POP1: variants seen among roughly 807,000 people sequenced by gnomAD.
The protein encoded by POP1 is ribonucleases P/MRP protein subunit POP1.
A neutral mutation model predicts 102.2 loss-of-function variants in POP1; 75 were observed. The observed-to-expected ratio is 0.73, with a 90% CI of 0.61 to 0.89. The LOEUF is 0.89. Among genes scored for constraint, POP1 ranks in the 40% least tolerant of loss-of-function variants. POP1 has a pLI of 0.00. For synonymous variants in POP1, 436 were observed against 464.1 expected (o/e 0.94, Z 0.78); for missense variants, 1,116 against 1,267.4 (o/e 0.88, Z 1.81).
Position 98,150,529 on chromosome 8 carries a change from G to T in POP1, c.1947G>T (p.Val649=). Residue 649 remains valine (V), a synonymous_variant, in exon 14 of 16, where the codon GTG becomes GTT. Coordinates refer to ENST00000401707, the MANE Select transcript of POP1 (RefSeq NM_001145860.2). ...TCGGAGGGTTGAAAGAGTCTGCAGT[G>T]CATTCTCAGTATAAGAGGTCGCCTA... The part of the protein sequence containing the change: ...VRVGGLKESA[V]HSQYKRSPNV... 1 of 1,614,036 alleles carries T rather than the reference G, an allele frequency of 6.2e-7. No homozygotes were observed. Among genetic ancestry groups the T allele is most frequent in the Non-Finnish European group, 8.5e-7 (1 of 1,179,976 alleles).
At chr8:98,148,318 A>G (rs1242682359) in intron 12 of POP1, among the ~76,000 whole-genome samples, 1 of 152,206 alleles carries the variant, frequency 6.6e-6, no homozygotes, top group African/African-American at 2.4e-5. Context: ...CAGCTCCAAG[A>G]AAAGTCTGAA....
chr8:98,156,339 C>T lies in POP1; in HGVS notation c.2347C>T (p.Pro783Ser). Residue 783 changes from proline (P) to serine (S), a missense_variant, in exon 15 of 16, where the codon CCT (proline) becomes TCT (serine). Coordinates refer to ENST00000401707, the MANE Select transcript of POP1 (RefSeq NM_001145860.2). Reference sequence around the variant, plus strand: ...TGCAGGGTGTCAAGAATCGGCAGGGCCTGAGAGGATCACAGACCAGGAGGC... The same window carrying T: ...TGCAGGGTGTCAAGAATCGGCAGGGTCTGAGAGGATCACAGACCAGGAGGC... Reference protein sequence around the residue: ...MDAGCQESAGPERITDQEASE... With the variant: ...MDAGCQESAGSERITDQEASE... 3 of 1,614,020 alleles carry T rather than the reference C, an allele frequency of 1.9e-6. No individual in the cohort carries two copies. Among genetic ancestry groups the T allele is most frequent in the Non-Finnish European group, 2.5e-6 (3 of 1,180,008 alleles).
At chr8:98,142,003 C>G (rs954685349) in intron 11 of POP1, among the ~76,000 whole-genome samples, 1 of 152,042 alleles carries the variant, frequency 6.6e-6, no homozygotes, top group Non-Finnish European at 1.5e-5. Flanking sequence ...ATTATGAAGC[C>G]TAAGACTTTA....
chr8:98,134,365 A>C (rs1816469221), intron 6 of POP1, 107 bp from the exon 7 acceptor site: 1 of 1,182,562 alleles, frequency 8.5e-7, no homozygotes, highest in East Asian at 2.3e-5. Context: ...CACAACCAAA[A>C]CTTCACCTCT....
chr8:98,120,167 TG>T (rs1414759775), intron 1 of POP1, among the ~76,000 whole-genome samples: 1 of 152,234 alleles, frequency 6.6e-6, no homozygotes, highest in Non-Finnish European at 1.5e-5. Context: ...ATATTTGGAA[TG>T]GCTTTTAATG....
At chr8:98,148,251 T>C (rs959919359) in intron 12 of POP1, among the ~76,000 whole-genome samples, 1 of 152,200 alleles carries the variant, frequency 6.6e-6, no homozygotes, top group African/African-American at 2.4e-5. Context: ...AGGCAGTCTC[T>C]TGCATAGTTT....
chr8:98,136,590 G>T lies in POP1; in HGVS notation c.1120G>T (p.Glu374Ter), dbSNP rs774528951. ...ACCATCCCAAGAAAAAAGCCAAACT[G>T]AATTGCCTGACGAGAAAATTGGCAA... ...PTPSQEKSQT[E>*]LPDEKIGKKR... The change falls in exon 8 of 16, where the codon GAA (glutamate) becomes TAA (stop). Residue 374 changes from glutamate to a stop codon, truncating the protein, a stop_gained. Coordinates refer to ENST00000401707, the MANE Select transcript of POP1 (RefSeq NM_001145860.2). LOFTEE classifies it high-confidence loss of function. 1 of 1,614,060 alleles carries T rather than the reference G, an allele frequency of 6.2e-7. No individual in the cohort carries two copies. The highest frequency in any genetic ancestry group is 2.2e-5 in the East Asian group (1 of 44,878).
intron 14 of POP1, 138 bp downstream of exon 14, chr8:98,150,777 T>A: frequency 1.2e-6 from 1 of 857,704 alleles, no homozygotes; most frequent in Non-Finnish European, 1.8e-6. Flanking sequence ...GAGAAATAAT[T>A]AAGAAGATAT....
At chr8:98,138,894 C>T (rs1203752774) in intron 9 of POP1, among the ~76,000 whole-genome samples, 1 of 149,802 alleles carries the variant, frequency 6.7e-6, no homozygotes, top group African/African-American at 2.5e-5. Flanking sequence ...ACTCTGTCAC[C>T]CAGGCTGGAG....
At position 98,125,701 on chromosome 8, in the gene POP1, C is replaced by G. The variant is rs545850884; in HGVS notation, c.143-1894C>G. Among the ~76,000 whole-genome samples the G allele has an allele frequency of 2.8e-3, 421 of 152,156 alleles. 1 individual carries two copies. The highest frequency in any genetic ancestry group is 9.3e-3 in the African/African-American group (387 of 41,518). Reference sequence around the variant, plus strand: ...GACTACAGTCACATGCTGCCACACCCAGCTAATTTTTTGTATTTAGTAGAG... The same window carrying G: ...GACTACAGTCACATGCTGCCACACCGAGCTAATTTTTTGTATTTAGTAGAG... On this transcript the variant is annotated intron_variant, in intron 2 of 15. Coordinates refer to ENST00000401707, the MANE Select transcript of POP1 (RefSeq NM_001145860.2).
Position 98,157,702 on chromosome 8 carries a change from G to A in POP1, c.2506G>A (p.Gly836Ser), listed in dbSNP as rs748609611. The A allele has an allele frequency of 3.6e-5, 58 of 1,614,114 alleles. No individual in the cohort carries two copies. Among genetic ancestry groups the A allele is most frequent in the Non-Finnish European group, 4.8e-5 (57 of 1,180,054 alleles). Residue 836 changes from glycine (G) to serine (S), a missense_variant, in exon 16 of 16, where the codon GGC becomes AGC. Gly to Ser is a moderately conservative substitution (Grantham distance 56, BLOSUM62 0). Transcript: ENST00000401707. ...GGGAGGCCGGCGAGCTCCCGGCAGAGGCCAGCAAGGATTGACCAGAGAGGC... is the reference window on the plus strand; with the variant it reads ...GGGAGGCCGGCGAGCTCCCGGCAGAAGCCAGCAAGGATTGACCAGAGAGGC... ...SRGGRRAPGR[G>S]QQGLTREACL...
chr8:98,158,120 C>CTGTT lies in POP1; in HGVS notation c.2925_2928dup (p.Gly977CysfsTer11). The stretch of plus-strand genomic sequence containing the variant: ...GTGACTCAGGGAGATTTTTCCATGG[C>CTGTT]TGTTGGCTGTGGAGAAGCCCTGGGG... On this transcript the variant is annotated frameshift_variant, in exon 16 of 16. Coordinates refer to ENST00000401707, the MANE Select transcript of POP1 (RefSeq NM_001145860.2). LOFTEE classifies it high-confidence loss of function. The CTGTT allele has an allele frequency of 6.2e-7, 1 of 1,606,246 alleles. No homozygotes were observed. The highest frequency in any genetic ancestry group is 8.5e-7 in the Non-Finnish European group (1 of 1,176,750).
At chr8:98,153,533 CTTTTTTTTTTT>C (rs747984872) in intron 14 of POP1, among the ~76,000 whole-genome samples, 1 of 85,488 alleles carries the variant, frequency 1.2e-5, no homozygotes, top group African/African-American at 4.8e-5. Flanking sequence ...AGTTCTGACT[CTTTTTTTTTTT>C]TTTTTTTTTT....
rs765348522 is a variant in POP1 at position 98,158,057 on chromosome 8, G to A, written c.2861G>A (p.Arg954His). ...TLGLWSGPLP[R>H]VTLHCSRTLL... ...GGGCTGTGGTCAGGCCCTCTGCCGC[G>A]TGTGACGTTGCACTGCTCCAGAACT... Residue 954 changes from arginine to histidine, a missense_variant, in exon 16 of 16, where the codon CGT (arginine) becomes CAT (histidine). Transcript: ENST00000401707. 8.1e-6 allele frequency: 13 copies of A among 1,609,806 alleles called. No homozygotes were observed. Among genetic ancestry groups the A allele is most frequent in the East Asian group, 2.2e-5 (1 of 44,878 alleles).
At chr8:98,139,013 C>T (rs559136762) in intron 9 of POP1, among the ~76,000 whole-genome samples, 1 of 151,940 alleles carries the variant, frequency 6.6e-6, no homozygotes, top group South Asian at 2.1e-4. Context: ...CCAACACACC[C>T]GGCTAATATT....
At chr8:98,148,109 G>A (rs757258085) in intron 12 of POP1, among the ~76,000 whole-genome samples, 1 of 152,156 alleles carries the variant, frequency 6.6e-6, no homozygotes, top group East Asian at 1.9e-4. Flanking sequence ...AGGAAAAGTC[G>A]GGGCTAAAGA....
intron 7 of POP1, 150 bp downstream of exon 7, chr8:98,134,809 G>A: frequency 2.2e-6 from 2 of 891,144 alleles, no homozygotes; most frequent in Non-Finnish European, 3.4e-6. Context: ...TGAATGAAGT[G>A]AATTTTTAAA....
chr8:98,153,399 G>T (rs995642049), intron 14 of POP1, among the ~76,000 whole-genome samples: 1 of 152,144 alleles, frequency 6.6e-6, no homozygotes, highest in East Asian at 1.9e-4. Flanking sequence ...CAGGGCACAC[G>T]TGGAGGAGGC....
Position 98,148,900 on chromosome 8 carries a change from T to A in POP1, c.1796T>A (p.Leu599Ter). Residue 599 changes from leucine (L) to a stop codon, truncating the protein, a stop_gained, in exon 13 of 16, where the codon TTG becomes TAG. Coordinates refer to ENST00000401707, the MANE Select transcript of POP1 (RefSeq NM_001145860.2). LOFTEE classifies it high-confidence loss of function. ...GPHESKIPIL[L>*]IQQPGKVTGE... ...CATGAATCCAAGATACCTATACTTTTGATTCAGCAGCCAGGAAAAGTGACT... is the reference window on the plus strand; with the variant it reads ...CATGAATCCAAGATACCTATACTTTAGATTCAGCAGCCAGGAAAAGTGACT... 1 of 1,613,936 alleles carries A rather than the reference T, an allele frequency of 6.2e-7. No individual in the cohort carries two copies. Among genetic ancestry groups the A allele is most frequent in the East Asian group, 2.2e-5 (1 of 44,888 alleles).
Sources: gnomAD v4.1 joint callset for allele counts (sites outside exome capture counted in the v4.1 genomes callset) on GRCh38, gnomAD v4.1.1 for gene constraint, MANE v1.5 for transcripts, NCBI Gene and HGNC (gene_info 2026-07-23, HGNC 2026-07-21) for gene names.